Variants in EIF2AK3 observed in about 807,000 individuals in gnomAD.
EIF2AK3 encodes eukaryotic translation initiation factor 2-alpha kinase 3.
A neutral mutation model predicts 113.5 loss-of-function variants in EIF2AK3; 50 were observed. That is an observed-to-expected ratio of 0.44 (90% CI 0.35 to 0.56). The LOEUF is 0.56. Among genes scored for constraint, EIF2AK3 ranks in the 20% least tolerant of loss-of-function variants. The pLI, the probability that EIF2AK3 is intolerant of heterozygous loss-of-function variation, is 0.00. For missense variants in EIF2AK3, 1,185 were observed against 1,378.0 expected (o/e 0.86, Z 2.22); for synonymous variants, 448 against 495.4 (o/e 0.90, Z 1.27).
rs77352624 is a variant in EIF2AK3, at chr2:88,561,278, T to C, written c.3087+1011A>G. ...CAGAGGGCTACTTTTTTTTTTTTTTTCGAGACAGAGTCTCACTCTGTCACC... is the reference window on the plus strand; with the variant it reads ...CAGAGGGCTACTTTTTTTTTTTTTTCCGAGACAGAGTCTCACTCTGTCACC... On this transcript the variant is annotated intron_variant, in intron 15 of 16. Coordinates refer to ENST00000303236, the MANE Select transcript of EIF2AK3 (RefSeq NM_004836.7). 6.2e-5 allele frequency among the ~76,000 whole-genome samples: 9 copies of C among 144,958 alleles called. No homozygotes were observed. In the South Asian group the frequency reaches 6.6e-4, roughly 11 times the overall value.
intron 2 of EIF2AK3, 122 bp downstream of exon 2, chr2:88,613,602 G>C: frequency 9.6e-7 from 1 of 1,043,870 alleles, no homozygotes; most frequent in East Asian, 2.4e-5. Flanking sequence ...GCCCTAAAGG[G>C]ACACAAACTG....
At chr2:88,572,555 C>T (rs1463852036) in intron 13 of EIF2AK3, among the ~76,000 whole-genome samples, 1 of 152,164 alleles carries the variant, frequency 6.6e-6, no homozygotes, top group African/African-American at 2.4e-5. Flanking sequence ...CCCTCTACCC[C>T]ACCAACTCCA....
At chr2:88,624,715 C>G (rs1281139826) in intron 1 of EIF2AK3, 1 of 152,420 alleles carries the variant, frequency 6.6e-6, no homozygotes, top group Admixed American at 6.5e-5. Context: ...CCTGCACCTC[C>G]GAGTCACATG....
chr2:88,565,124 C>G (rs4972220), intron 14 of EIF2AK3, among the ~76,000 whole-genome samples: 1 of 150,770 alleles, frequency 6.6e-6, no homozygotes, highest in Non-Finnish European at 1.5e-5. Flanking sequence ...GCAACCTCCC[C>G]CTCCTGGGTT....
chr2:88,612,645 A>G (rs897107547), intron 2 of EIF2AK3, among the ~76,000 whole-genome samples: 1 of 152,162 alleles, frequency 6.6e-6, no homozygotes, highest in African/African-American at 2.4e-5. Context: ...TGCACCAGAA[A>G]AGATTTGGGC....
At chr2:88,592,590 C>T (rs2104441180) in intron 4 of EIF2AK3, among the ~76,000 whole-genome samples, 1 of 151,908 alleles carries the variant, frequency 6.6e-6, no homozygotes, top group East Asian at 1.9e-4. Flanking sequence ...GTGGAGAAAC[C>T]CCATCTCTAC....
chr2:88,566,030 G>C (rs1674112009), intron 14 of EIF2AK3, among the ~76,000 whole-genome samples: 5 of 152,168 alleles, frequency 3.3e-5, no homozygotes, highest in African/African-American at 7.2e-5. Flanking sequence ...ATTTATTTGT[G>C]ATTTTCCCCC....
chr2:88,583,356 TA>T (rs925488478), intron 10 of EIF2AK3, 73 bp downstream of exon 10: 857 of 1,131,220 alleles, frequency 7.6e-4, no homozygotes, highest in Non-Finnish European at 9.2e-4. Context: ...ATCCACACAT[TA>T]AAAAAAAAGT....
At chr2:88,567,783 C>T (rs1164384132) in intron 14 of EIF2AK3, among the ~76,000 whole-genome samples, 1 of 152,214 alleles carries the variant, frequency 6.6e-6, no homozygotes, top group East Asian at 1.9e-4. Context: ...CCAGTTACTT[C>T]CCCTCTGCCA....
At chr2:88,574,554 G>T in intron 13 of EIF2AK3, 112 bp downstream of exon 13, 1 of 1,331,918 alleles carries the variant, frequency 7.5e-7, no homozygotes, top group Non-Finnish European at 1.0e-6. Flanking sequence ...TCTGCTCTCA[G>T]ATGCTTTTAC....
At position 88,590,806 on chromosome 2, in the gene EIF2AK3, G is replaced by GGT. The variant is rs748502724; in HGVS notation, c.1002+10_1002+11dup. On this transcript the variant is annotated intron_variant, in intron 5 of 16. Transcript: ENST00000303236. ...AAGAACCGTATTTTAAATCCTCAGT[G>GGT]GTGTTAGGTACCTGGTACTCCCATT... The GGT allele has an allele frequency of 6.2e-7, 1 of 1,612,834 alleles. No individual in the cohort carries two copies.
intron 1 of EIF2AK3, among the ~76,000 whole-genome samples, chr2:88,619,743 C>G (rs1675672613): frequency 6.6e-6 from 1 of 152,152 alleles, no homozygotes; most frequent in African/African-American, 2.4e-5. Flanking sequence ...CACCTGAGAT[C>G]AGGAGTTCAA....
At chr2:88,595,416 T>C (rs1369853738) in intron 3 of EIF2AK3, 53 bp downstream of exon 3, 2 of 1,545,384 alleles carry the variant, frequency 1.3e-6, no homozygotes, top group Non-Finnish European at 1.8e-6. Flanking sequence ...AATTACTTTT[T>C]CTACCCTAAT....
upstream of EIF2AK3, chr2:88,627,570 A>T (rs899706009): frequency 2.9e-5 from 10 of 349,750 alleles, no homozygotes; most frequent in Non-Finnish European, 4.6e-5. Flanking sequence ...GGGAAGGTGG[A>T]CTTTCCCTGG....
chr2:88,609,208 T>G (rs1214114249), intron 2 of EIF2AK3, among the ~76,000 whole-genome samples: 1 of 152,202 alleles, frequency 6.6e-6, no homozygotes, highest in East Asian at 1.9e-4. Flanking sequence ...GTTTATAATT[T>G]CACAAATATT....
rs375950109 is a variant in EIF2AK3, at chr2:88,614,281, C to G, written c.309-428G>C. 2.7e-4 allele frequency among the ~76,000 whole-genome samples: 41 copies of G among 152,288 alleles called. No individual in the cohort carries two copies. The South Asian group carries it at 7.5e-3, about 28-fold the overall frequency. On this transcript the variant is annotated intron_variant, in intron 1 of 16. Coordinates refer to ENST00000303236, the MANE Select transcript of EIF2AK3 (RefSeq NM_004836.7). The stretch of plus-strand genomic sequence containing the variant: ...CAGATAATTTTTTTCTCCCATAACC[C>G]TTGCTCAGAATGGGGTAAGTGGACT...
intron 8 of EIF2AK3, among the ~76,000 whole-genome samples, chr2:88,586,766 AT>A (rs1674741300): frequency 6.6e-6 from 1 of 150,624 alleles, no homozygotes; most frequent in South Asian, 2.1e-4. Context: ...TAATTTTTGT[AT>A]TTTTAGTAAA....
rs1674431220 is a variant in EIF2AK3 at position 88,575,372 on chromosome 2, G to A, written c.2111C>T (p.Ala704Val). 6 of 1,614,026 alleles carry A rather than the reference G, an allele frequency of 3.7e-6. No homozygotes were observed. The highest frequency in any genetic ancestry group is 5.1e-6 in the Non-Finnish European group (6 of 1,180,030). Residue 704 changes from alanine to valine, a missense_variant, in exon 13 of 17, where the codon GCT becomes GTT. This residue lies in a region of EIF2AK3 where 877 missense variants were observed against 1,024.2 expected (regional missense o/e 0.86). Coordinates refer to ENST00000303236, the MANE Select transcript of EIF2AK3 (RefSeq NM_004836.7). ...TATGATTTCAATATGTTCTTTTGTA[G>A]CGAAAGGATCCATTCTGCGTATTTT... is the stretch of plus-strand genomic sequence containing the variant. ...SVKIRRMDPF[A>V]TKEHIEIIAP... is the part of the protein sequence containing the mutation.
chr2:88,627,436 C>T lies in EIF2AK3; in HGVS notation c.-162G>A, dbSNP rs886056420. ...TCCCCTGGCCACGTCTCAGCCCGGCCTCTGCCGCTGCCACCTGAGTGACAG... is the reference window on the plus strand; with the variant it reads ...TCCCCTGGCCACGTCTCAGCCCGGCTTCTGCCGCTGCCACCTGAGTGACAG... On this transcript the variant is annotated 5_prime_UTR_variant, in exon 1 of 17. Transcript: ENST00000303236. The T allele has an allele frequency of 2.3e-6, 2 of 886,754 alleles. No homozygotes were observed. Among genetic ancestry groups the T allele is most frequent in the Non-Finnish European group, 3.0e-6 (2 of 660,814 alleles). The allele number at this position is 886,754 out of a possible 1,614,324, so 54.9% of individuals were successfully genotyped here.
Sources: allele counts gnomAD v4.1 joint callset (sites outside exome capture counted in the v4.1 genomes callset), GRCh38; gene constraint gnomAD v4.1.1; regional missense constraint gnomAD v4.1.1; transcripts MANE v1.5; gene names NCBI Gene and HGNC (gene_info 2026-07-23, HGNC 2026-07-21).